Variants in CWH43 observed in about 807,000 individuals in gnomAD.
The protein encoded by CWH43 is PGAP2-interacting protein.
CWH43 carries 91 observed loss-of-function variants against 85.7 expected under a neutral mutation model. The ratio of observed to expected loss-of-function variants is 1.06; its 90% CI spans 0.90 to 1.26. The LOEUF is 1.26. Among genes scored for constraint, CWH43 ranks in the 50% most tolerant of loss-of-function variants. The pLI is 0.00. For missense variants in CWH43, 869 were observed against 839.2 expected, an observed-to-expected ratio of 1.04 and a Z score of -0.44; for synonymous variants, 323 against 293.6, an observed-to-expected ratio of 1.10 and a Z score of -1.02.
chr4:49,054,814 C>A (rs191378550), intron 15 of CWH43, among the ~76,000 whole-genome samples: 1 of 151,850 alleles, frequency 6.6e-6, no homozygotes, highest in African/African-American at 2.4e-5. Flanking sequence ...ATTGGTAGTA[C>A]ATAGAAATGC....
intron 15 of CWH43, among the ~76,000 whole-genome samples, chr4:49,052,115 C>T (rs1784818783): frequency 6.6e-6 from 1 of 152,136 alleles, no homozygotes; most frequent in Non-Finnish European, 1.5e-5. Flanking sequence ...CTTTGTCCCT[C>T]CTTACAACAA....
chr4:49,009,430 A>G (rs1429079133), intron 8 of CWH43, among the ~76,000 whole-genome samples: 4 of 152,154 alleles, frequency 2.6e-5, no homozygotes, highest in African/African-American at 9.7e-5. Flanking sequence ...AACAGGGACA[A>G]TTTGACTTCC....
intron 2 of CWH43, among the ~76,000 whole-genome samples, chr4:48,989,001 T>G (rs776962561): frequency 6.6e-6 from 1 of 152,194 alleles, no homozygotes; most frequent in Non-Finnish European, 1.5e-5. Flanking sequence ...TAAAAAAGTT[T>G]GTTAAATAAT....
chr4:48,994,554 C>A, intron 4 of CWH43, 65 bp from the exon 5 acceptor site: 1 of 1,377,548 alleles, frequency 7.3e-7, no homozygotes, highest in Non-Finnish European at 1.0e-6. Flanking sequence ...TAAAAGTCTG[C>A]TAAATATAGA....
chr4:49,016,336 G>A (rs1783545212), intron 8 of CWH43, among the ~76,000 whole-genome samples: 1 of 152,124 alleles, frequency 6.6e-6, no homozygotes, highest in African/African-American at 2.4e-5. Context: ...GCACACACAG[G>A]AGTGGGCACC....
intron 9 of CWH43, among the ~76,000 whole-genome samples, chr4:49,024,915 A>T (rs1301998061): frequency 2.6e-5 from 4 of 152,074 alleles, no homozygotes; most frequent in Non-Finnish European, 5.9e-5. Context: ...AAGGCTAGGG[A>T]AGTTCTCCTC....
Position 49,038,081 on chromosome 4 carries a change from A to G in CWH43, c.1704A>G (p.Leu568=), listed in dbSNP as rs145917205. Residue 568 remains leucine, a synonymous_variant, in exon 13 of 16, where the codon CTA becomes CTG. Transcript: ENST00000226432. ...TGCAGGCTATTGCTGTTTCAAAACT[A>G]CTGAAAAGTAGCTCTAATCAAGTGA... is the stretch of plus-strand genomic sequence containing the variant. ...RKLQAIAVSK[L]LKSSSNQVIF... The G allele has an allele frequency of 1.9e-6, 3 of 1,612,766 alleles. No homozygotes were observed. The highest frequency in any genetic ancestry group is 2.2e-5 in the East Asian group (1 of 44,862).
chr4:49,042,231 G>A (rs942367217), intron 13 of CWH43, among the ~76,000 whole-genome samples: 1 of 152,048 alleles, frequency 6.6e-6, no homozygotes, highest in Admixed American at 6.6e-5. Context: ...TGTGGACCCG[G>A]GTTCCTCACC....
At chr4:49,046,596 A>G (rs1784631244) in intron 14 of CWH43, among the ~76,000 whole-genome samples, 1 of 151,924 alleles carries the variant, frequency 6.6e-6, no homozygotes. Flanking sequence ...GTGGGTGAGG[A>G]ATGATGGAGT....
At chr4:48,997,683 G>T (rs1378575732) in intron 5 of CWH43, among the ~76,000 whole-genome samples, 1 of 152,138 alleles carries the variant, frequency 6.6e-6, no homozygotes, top group Non-Finnish European at 1.5e-5. Flanking sequence ...GGGCTACTGT[G>T]TATGACCTCA....
At chr4:49,047,617 C>T (rs148149659) in intron 14 of CWH43, among the ~76,000 whole-genome samples, 1 of 152,014 alleles carries the variant, frequency 6.6e-6, no homozygotes, top group East Asian at 1.9e-4. Context: ...GCAAAAGCCC[C>T]AGTGCAGGAG....
rs531770052 is a variant in CWH43 at position 49,023,114 on chromosome 4, G to T, written c.1267-5515G>T. On this transcript the variant is annotated intron_variant, in intron 9 of 15. Coordinates refer to ENST00000226432, the MANE Select transcript of CWH43 (RefSeq NM_025087.3). Reference sequence around the variant, plus strand: ...TTTGTTCTTGTTTCTCTAGTTCCTTGAGTTGTGACCTTAGGTTCTCTATTT... The same window carrying T: ...TTTGTTCTTGTTTCTCTAGTTCCTTTAGTTGTGACCTTAGGTTCTCTATTT... 8.5e-5 allele frequency among the ~76,000 whole-genome samples: 13 copies of T among 152,140 alleles called. No homozygotes were observed. The East Asian group carries it at 2.3e-3, about 27-fold the overall frequency.
chr4:49,025,413 G>C (rs960610975), intron 9 of CWH43, among the ~76,000 whole-genome samples: 1 of 152,022 alleles, frequency 6.6e-6, no homozygotes, highest in Non-Finnish European at 1.5e-5. Context: ...GATCTTTTGG[G>C]GGTGTTAAAG....
At chr4:49,007,615 T>C (rs934699850) in intron 8 of CWH43, among the ~76,000 whole-genome samples, 2 of 152,050 alleles carry the variant, frequency 1.3e-5, no homozygotes, top group Non-Finnish European at 2.9e-5. Context: ...CCTAATGCTA[T>C]CCCTCCCCCC....
intron 12 of CWH43, among the ~76,000 whole-genome samples, chr4:49,037,623 G>A (rs1784299701): frequency 6.6e-6 from 1 of 151,804 alleles, no homozygotes; most frequent in Non-Finnish European, 1.5e-5. Flanking sequence ...AAGCCTGATG[G>A]GCTCTGTGAA....
intron 15 of CWH43, 67 bp downstream of exon 15, chr4:49,050,916 C>G (rs1449807533): frequency 9.1e-7 from 1 of 1,095,598 alleles, no homozygotes; most frequent in African/African-American, 1.6e-5. Flanking sequence ...CTACATATTA[C>G]CTCAAAATGA....
chr4:49,057,540 C>T (rs1410919165), intron 15 of CWH43, among the ~76,000 whole-genome samples: 4 of 152,086 alleles, frequency 2.6e-5, no homozygotes, highest in Non-Finnish European at 5.9e-5. Flanking sequence ...ATTTTGGGGT[C>T]CCAAGATTTA....
Position 49,050,966 on chromosome 4 carries a change from A to T in CWH43, c.2021+117A>T, listed in dbSNP as rs79825473. 538 of 690,028 alleles carry T rather than the reference A, an allele frequency of 7.8e-4. 3 individuals carry two copies. The African/African-American group carries it at 8.8e-3, about 11-fold the overall frequency. 42.7% of individuals were successfully genotyped at this position (690,028 alleles called of 1,614,324 possible). On this transcript the variant is annotated intron_variant, in intron 15 of 15. Transcript: ENST00000226432. ...TTTGTCCTAGAGGTTTATTCCAGGTAAGGGAGACTGTGACAAAGATGATAA... is the reference window on the plus strand; with the variant it reads ...TTTGTCCTAGAGGTTTATTCCAGGTTAGGGAGACTGTGACAAAGATGATAA...
intron 15 of CWH43, among the ~76,000 whole-genome samples, chr4:49,055,462 A>T (rs1413537023): frequency 2.0e-5 from 3 of 152,070 alleles, no homozygotes; most frequent in Non-Finnish European, 4.4e-5. Flanking sequence ...TTGGCTTATC[A>T]TTTTCTTGTA....
Sources: gnomAD v4.1 joint callset for allele counts (sites outside exome capture counted in the v4.1 genomes callset) on GRCh38, gnomAD v4.1.1 for gene constraint, MANE v1.5 for transcripts, NCBI Gene and HGNC (gene_info 2026-07-23, HGNC 2026-07-21) for gene names.